EPHX2: variants seen among roughly 807,000 people sequenced by gnomAD.
The protein encoded by EPHX2 is bifunctional epoxide hydrolase 2.
A neutral mutation model predicts 78.7 loss-of-function variants in EPHX2; 74 were observed. The ratio of observed to expected loss-of-function variants is 0.94; its 90% CI spans 0.78 to 1.14. EPHX2 has a LOEUF of 1.14. Among genes scored for constraint, EPHX2 ranks in the 50% most tolerant of loss-of-function variants. The pLI is 0.00. For missense variants in EPHX2, 715 were observed against 702.5 expected (o/e 1.02, Z -0.20); for synonymous variants, 251 against 255.2 (o/e 0.98, Z 0.16).
chr8:27,544,546 G>A lies in EPHX2; in HGVS notation c.*24G>A. ...AGAACGCAGCGTGTGCCCACGCTCA[G>A]CAGGTGTGCCATCCTTCCACCTGCT... On this transcript the variant is annotated 3_prime_UTR_variant, in exon 19 of 19. Transcript: ENST00000521400. 6.2e-7 allele frequency: 1 copy of A among 1,612,702 alleles called. No homozygotes were observed. Among genetic ancestry groups the A allele is most frequent in the Non-Finnish European group, 8.5e-7 (1 of 1,179,700 alleles).
At chr8:27,528,614 A>G (rs980696996) in intron 12 of EPHX2, among the ~76,000 whole-genome samples, 18 of 152,300 alleles carry the variant, frequency 1.2e-4, no homozygotes, top group African/African-American at 3.6e-4. Flanking sequence ...TCTTGGATGT[A>G]TAGTGGGTGC....
chr8:27,511,980 C>T, intron 6 of EPHX2, 70 bp downstream of exon 6: 4 of 1,467,838 alleles, frequency 2.7e-6, no homozygotes, highest in Non-Finnish European at 3.8e-6. Context: ...CCAGCAGAGA[C>T]ACCCAAGAGG....
chr8:27,536,718 TGAA>T (rs1815223009), intron 12 of EPHX2, 63 bp from the exon 13 acceptor site: 2 of 1,572,740 alleles, frequency 1.3e-6, no homozygotes, highest in South Asian at 1.1e-5. Flanking sequence ...TTCAGTCAGA[TGAA>T]GGAGGGGTAC....
intron 15 of EPHX2, 116 bp from the exon 16 acceptor site, chr8:27,541,357 C>A: frequency 9.2e-7 from 1 of 1,082,438 alleles, no homozygotes; most frequent in Non-Finnish European, 1.4e-6. Flanking sequence ...CTTGCCCCTG[C>A]AGGAGGCTTT....
chr8:27,502,443 G>A (rs773052022), intron 2 of EPHX2, among the ~76,000 whole-genome samples: 1 of 152,214 alleles, frequency 6.6e-6, no homozygotes, highest in Non-Finnish European at 1.5e-5. Context: ...GTATTAGTTT[G>A]CTAGGGCTGT....
intron 6 of EPHX2, among the ~76,000 whole-genome samples, chr8:27,513,205 G>C (rs1457759507): frequency 6.6e-6 from 1 of 152,148 alleles, no homozygotes; most frequent in African/African-American, 2.4e-5. Context: ...ATCCAGGCAC[G>C]AGTGGGTTTG....
At chr8:27,518,359 C>T (rs1203379286) in intron 9 of EPHX2, among the ~76,000 whole-genome samples, 1 of 152,220 alleles carries the variant, frequency 6.6e-6, no homozygotes, top group Admixed American at 6.5e-5. Context: ...TGGAAGCCTG[C>T]AGTACTGCAT....
rs1563362939 is a variant in EPHX2, at chr8:27,538,638, TCTTTTCTTTTCTTC to T, written c.1243-17_1243-4del. 1 of 1,605,520 alleles carries T rather than the reference TCTTTTCTTTTCTTC, an allele frequency of 6.2e-7. No individual in the cohort carries two copies. The highest frequency in any genetic ancestry group is 8.5e-7 in the Non-Finnish European group (1 of 1,173,828). On this transcript the variant is annotated splice_polypyrimidine_tract_variant and splice_region_variant and intron_variant, in intron 13 of 18. Coordinates refer to ENST00000521400, the MANE Select transcript of EPHX2 (RefSeq NM_001979.6). Reference sequence around the variant, plus strand: ...TATCACCCATGACATCATTTGTAACTCTTTTCTTTTCTTCCTTCAGAGTGTTTTATCCATGCATA... The same window carrying T: ...TATCACCCATGACATCATTTGTAACTCTTCAGAGTGTTTTATCCATGCATA...
At chr8:27,496,214 A>G (rs1813566811) in intron 1 of EPHX2, among the ~76,000 whole-genome samples, 1 of 152,220 alleles carries the variant, frequency 6.6e-6, no homozygotes, top group African/African-American at 2.4e-5. Flanking sequence ...TTAGCTAGAA[A>G]GTTCAAGAGA....
At chr8:27,531,181 G>T (rs1815027981) in intron 12 of EPHX2, among the ~76,000 whole-genome samples, 1 of 152,190 alleles carries the variant, frequency 6.6e-6, no homozygotes, top group Non-Finnish European at 1.5e-5. Flanking sequence ...GAGGGGTTTG[G>T]AGTCTGATGT....
chr8:27,516,665 A>G (rs566644723), intron 8 of EPHX2, among the ~76,000 whole-genome samples: 2 of 152,354 alleles, frequency 1.3e-5, no homozygotes, highest in African/African-American at 4.8e-5. Context: ...GATGGCGGAC[A>G]TAGAATGTAC....
intron 5 of EPHX2, among the ~76,000 whole-genome samples, chr8:27,509,459 T>C (rs1300331777): frequency 6.6e-6 from 1 of 152,206 alleles, no homozygotes; most frequent in African/African-American, 2.4e-5. Context: ...ATTATTTCTT[T>C]TTTCAGACAG....
At chr8:27,501,367 TTCTTCTTCTTCTTCTTCTTC>T in intron 2 of EPHX2, among the ~76,000 whole-genome samples, 3 of 133,154 alleles carry the variant, frequency 2.3e-5, no homozygotes, top group South Asian at 2.5e-4. Flanking sequence ...CTTCTTCTTC[TTCTTCTTCTTCTTCTTCTTC>T]TTCTTCTTTC....
intron 9 of EPHX2, among the ~76,000 whole-genome samples, chr8:27,519,604 G>T (rs1814575326): frequency 6.6e-6 from 1 of 152,210 alleles, no homozygotes; most frequent in Non-Finnish European, 1.5e-5. Context: ...TTCCTGAGAG[G>T]ATGCTGGGAA....
chr8:27,506,887 G>A lies in EPHX2; in HGVS notation c.553G>A (p.Asp185Asn). 1 of 1,611,750 alleles carries A rather than the reference G, an allele frequency of 6.2e-7. No individual in the cohort carries two copies. ...TTGGGCTCAGGTCGTTTTTTTGGAT[G>A]ACATCGGGGCTAATCTGAAGCCAGC... is the stretch of plus-strand genomic sequence containing the variant. ...ASPSEVVFLD[D>N]IGANLKPARD... Residue 185 changes from aspartate to asparagine, a missense_variant, in exon 5 of 19, where the codon GAC (aspartate) becomes AAC (asparagine). Transcript: ENST00000521400.
Position 27,518,033 on chromosome 8 carries a change from T to G in EPHX2, c.911-5T>G. ...TAAATATGTTTCTTTTATTTTTAAT[T>G]GCAGAAATAGAAGAATATTGCATGG... On this transcript the variant is annotated splice_region_variant and splice_polypyrimidine_tract_variant and intron_variant, in intron 8 of 18. Coordinates refer to ENST00000521400, the MANE Select transcript of EPHX2 (RefSeq NM_001979.6). The G allele has an allele frequency of 6.3e-7, 1 of 1,587,494 alleles. No individual in the cohort carries two copies. The highest frequency in any genetic ancestry group is 8.6e-7 in the Non-Finnish European group (1 of 1,163,664).
At chr8:27,540,680 C>T (rs778219025) in intron 15 of EPHX2, 24 bp downstream of exon 15, 3 of 1,603,328 alleles carry the variant, frequency 1.9e-6, no homozygotes, top group Admixed American at 1.7e-5. Context: ...AGGGCCCAGA[C>T]ACAGATGAGA....
chr8:27,493,940 A>G (rs951390121), intron 1 of EPHX2, among the ~76,000 whole-genome samples: 1 of 152,164 alleles, frequency 6.6e-6, no homozygotes, highest in Non-Finnish European at 1.5e-5. Context: ...ACTAGGAACC[A>G]TCCAAGAGAG....
chr8:27,518,872 C>A (rs1346274427), intron 9 of EPHX2, among the ~76,000 whole-genome samples: 2 of 152,206 alleles, frequency 1.3e-5, no homozygotes, highest in Non-Finnish European at 2.9e-5. Context: ...TGCTTCTGAT[C>A]CCAAGTGTCT....
Sources: allele counts gnomAD v4.1 joint callset (sites outside exome capture counted in the v4.1 genomes callset), GRCh38; gene constraint gnomAD v4.1.1; transcripts MANE v1.5; gene names NCBI Gene and HGNC (gene_info 2026-07-23, HGNC 2026-07-21).